Variants in DIABLO observed in about 807,000 individuals in gnomAD.
The protein encoded by DIABLO is diablo homolog, mitochondrial.
Under a neutral mutation model 31.7 loss-of-function variants are expected in DIABLO, and 32 were observed. The observed-to-expected ratio is 1.01, with a 90% CI of 0.76 to 1.35. DIABLO has a LOEUF of 1.35. Ranked by LOEUF, DIABLO falls within the 40% of genes most tolerant of loss-of-function variation. The pLI, the probability that DIABLO is intolerant of heterozygous loss-of-function variation, is 0.00. For synonymous variants in DIABLO, 132 were observed against 103.2 expected, an observed-to-expected ratio of 1.28 and a Z score of -1.69; for missense variants, 316 against 286.4, an observed-to-expected ratio of 1.10 and a Z score of -0.75.
rs750881704 is a variant in DIABLO, at chr12:122,224,462, C to CTT, written c.183+48_183+49dup. 2.5e-6 allele frequency: 4 copies of CTT among 1,613,232 alleles called. No homozygotes were observed. The African/African-American group carries it at 5.4e-5, about 22-fold the overall frequency. On this transcript the variant is annotated intron_variant, in intron 2 of 5. Coordinates refer to ENST00000464942, the MANE Select transcript of DIABLO (RefSeq NM_001371333.1). ...CTAATGCTTCACCGCCCACTTGAGA[C>CTT]TTCAAGAGGACACGGTACACTAGAT...
chr12:122,217,692 T>A (rs1224756199), intron 3 of DIABLO: 1 of 156,224 alleles, frequency 6.4e-6, no homozygotes, highest in African/African-American at 2.4e-5. Context: ...AAGTTTAAAA[T>A]TTTTTTTCTG....
At chr12:122,217,328 C>A (rs1243925445) in intron 3 of DIABLO, 1 of 192,220 alleles carries the variant, frequency 5.2e-6, no homozygotes, top group Non-Finnish European at 1.1e-5. Flanking sequence ...GCTTGGCCAA[C>A]ATGGCAAAAC....
Position 122,217,063 on chromosome 12 carries a change from T to C in DIABLO, c.316-194A>G, listed in dbSNP as rs527333994. 411 of 552,366 alleles carry C rather than the reference T, an allele frequency of 7.4e-4. 1 individual carries two copies. The highest frequency in any genetic ancestry group is 6.4e-4 in the East Asian group (20 of 31,114). The allele number at this position is 552,366 out of a possible 1,614,324, so 34.2% of individuals were successfully genotyped here. ...ATTAGTATCTCCATCTGTAAACTTC[T>C]GTGTTTTTAAAAGCTTGTCAGCAAT... On this transcript the variant is annotated intron_variant, in intron 3 of 5. Coordinates refer to ENST00000464942, the MANE Select transcript of DIABLO (RefSeq NM_001371333.1).
rs1269351521 is a variant in DIABLO, at chr12:122,208,103, G to A, written c.*278C>T. On this transcript the variant is annotated 3_prime_UTR_variant, in exon 6 of 6. Coordinates refer to ENST00000464942, the MANE Select transcript of DIABLO (RefSeq NM_001371333.1). ...TCTCTCTGACCCAGGTAGGCAAAAT[G>A]CTTTGGGTGTGAGGTAAAAAAAATG... 3.1e-6 allele frequency: 2 copies of A among 642,288 alleles called. No individual in the cohort carries two copies. Among genetic ancestry groups the A allele is most frequent in the Non-Finnish European group, 5.7e-6 (2 of 347,902 alleles). The allele number at this position is 642,288 out of a possible 1,614,324, so 39.8% of individuals were successfully genotyped here.
chr12:122,225,856 G>C (rs1954453196), intron 1 of DIABLO, 109 bp downstream of exon 1: 7 of 1,535,126 alleles, frequency 4.6e-6, no homozygotes, highest in Non-Finnish European at 5.3e-6. Context: ...CAGCTGGGCG[G>C]ACGAGAGATG....
chr12:122,223,799 A>ATT (rs1555245367), intron 2 of DIABLO, among the ~76,000 whole-genome samples: 1 of 151,920 alleles, frequency 6.6e-6, no homozygotes, highest in African/African-American at 2.4e-5. Context: ...CACTTACCTC[A>ATT]TTTGTTTTGT....
chr12:122,216,881 G>A lies in DIABLO; in HGVS notation c.316-12C>T. ...AAGGTATAAACAGCCTACAAATAGA[G>A]AATGAACAAGTCTGAGTAAAGTAAG... On this transcript the variant is annotated splice_polypyrimidine_tract_variant and intron_variant, in intron 3 of 5. Coordinates refer to ENST00000464942, the MANE Select transcript of DIABLO (RefSeq NM_001371333.1). 6.3e-7 allele frequency: 1 copy of A among 1,598,996 alleles called. No individual in the cohort carries two copies. Among genetic ancestry groups the A allele is most frequent in the Non-Finnish European group, 8.6e-7 (1 of 1,166,800 alleles).
At chr12:122,225,320 C>T (rs1161520602) in intron 1 of DIABLO, 3 of 825,838 alleles carry the variant, frequency 3.6e-6, no homozygotes, top group East Asian at 2.3e-4. Flanking sequence ...CCGGGAGGCA[C>T]AGGTTGCAGT....
In DIABLO at chr12:122,223,038, G is replaced by GTATC. The variant is rs1490563298; in HGVS notation, c.183+1470_183+1473dup. 5.9e-5 allele frequency among the ~76,000 whole-genome samples: 9 copies of GTATC among 152,050 alleles called. No individual in the cohort carries two copies. In the East Asian group the frequency reaches 9.7e-4, roughly 16 times the overall value. ...TCTTCTGCTTGCCTGGTCCAAGCCA[G>GTATC]TATCATTTCATGCCTAGATATAGCA... On this transcript the variant is annotated intron_variant, in intron 2 of 5. Transcript: ENST00000464942.
At chr12:122,218,963 G>A (rs778371192) in intron 2 of DIABLO, among the ~76,000 whole-genome samples, 31 of 138,224 alleles carry the variant, frequency 2.2e-4, no homozygotes, top group African/African-American at 6.6e-4. Flanking sequence ...TGCCGGGCAC[G>A]GTGGCTCACG....
intron 2 of DIABLO, chr12:122,222,125 A>C (rs1954346070): frequency 6.6e-6 from 1 of 152,208 alleles, no homozygotes; most frequent in Admixed American, 6.5e-5. Flanking sequence ...AAAGCATATA[A>C]GCTATGATTT....
At chr12:122,222,164 A>T (rs1388027088) in intron 2 of DIABLO, 1 of 152,172 alleles carries the variant, frequency 6.6e-6, no homozygotes. Flanking sequence ...TTTTATATCA[A>T]CTACTTAATT....
upstream of DIABLO, chr12:122,226,358 G>GAGTT (rs1954476334): frequency 3.3e-6 from 2 of 600,380 alleles, no homozygotes; most frequent in Non-Finnish European, 5.9e-6. Context: ...ATTTCCTGGT[G>GAGTT]AGTTAGGGAG....
chr12:122,218,184 A>G, intron 3 of DIABLO, 82 bp downstream of exon 3: 1 of 1,498,320 alleles, frequency 6.7e-7, no homozygotes, highest in East Asian at 2.3e-5. Flanking sequence ...AAATACCAAC[A>G]TGGGTATCAG....
chr12:122,212,245 A>G (rs1422507347), intron 5 of DIABLO, among the ~76,000 whole-genome samples: 1 of 152,182 alleles, frequency 6.6e-6, no homozygotes, highest in Non-Finnish European at 1.5e-5. Context: ...GTGTTTAACA[A>G]TGTCTAATGT....
intron 2 of DIABLO, among the ~76,000 whole-genome samples, chr12:122,223,053 T>C (rs1954369310): frequency 6.6e-6 from 1 of 151,948 alleles, no homozygotes; most frequent in African/African-American, 2.4e-5. Context: ...ATTTCATGCC[T>C]AGATATAGCA....
Position 122,208,457 on chromosome 12 carries a change from T to C in DIABLO, c.644A>G (p.Glu215Gly). 1 of 1,614,092 alleles carries C rather than the reference T, an allele frequency of 6.2e-7. No individual in the cohort carries two copies. Among genetic ancestry groups the C allele is most frequent in the Non-Finnish European group, 8.5e-7 (1 of 1,180,028 alleles). ...TTCCTCCTGTGTTTTCTGACGGAGC[T>C]CTTCTATCTGTGCTTCTGCCAGCTT... ...ETKLAEAQIE[E>G]LRQKTQEEGE... The change falls in exon 6 of 6, where the codon GAG (glutamate) becomes GGG (glycine). Residue 215 changes from glutamate to glycine, a missense_variant. Transcript: ENST00000464942.
chr12:122,213,444 G>A (rs1954132997), intron 5 of DIABLO, among the ~76,000 whole-genome samples: 1 of 149,710 alleles, frequency 6.7e-6, no homozygotes, highest in Admixed American at 6.7e-5. Context: ...GCTGTAGTAA[G>A]CAGTGAGCCA....
upstream of DIABLO, chr12:122,226,223 T>C (rs759410515): frequency 6.3e-6 from 5 of 794,336 alleles, no homozygotes; most frequent in South Asian, 2.9e-5. Flanking sequence ...CCGCCGGAAC[T>C]TCCGCGCGGG....
Sources: gnomAD v4.1 joint callset for allele counts (sites outside exome capture counted in the v4.1 genomes callset) on GRCh38, gnomAD v4.1.1 for gene constraint, MANE v1.5 for transcripts, NCBI Gene and HGNC (gene_info 2026-07-23, HGNC 2026-07-21) for gene names.